FBXO42: variants seen among roughly 807,000 people sequenced by gnomAD.
FBXO42 encodes F-box only protein 42.
A neutral mutation model predicts 71.7 loss-of-function variants in FBXO42; 12 were observed. That is an observed-to-expected ratio of 0.17 (90% CI 0.11 to 0.27). The LOEUF (loss-of-function observed/expected upper bound fraction) is 0.27. Among genes scored for constraint, FBXO42 ranks in the 10% least tolerant of loss-of-function variants. The pLI, the probability that FBXO42 is intolerant of heterozygous loss-of-function variation, is 1.00. For synonymous variants in FBXO42, 325 were observed against 327.5 expected, an observed-to-expected ratio of 0.99 and a Z score of 0.08; for missense variants, 707 against 911.9, an observed-to-expected ratio of 0.78 and a Z score of 2.89.
chr1:16,295,531 C>T (rs2082119635), intron 3 of FBXO42, among the ~76,000 whole-genome samples: 2 of 152,058 alleles, frequency 1.3e-5, no homozygotes, highest in African/African-American at 4.8e-5. Flanking sequence ...GCTGGGATTA[C>T]AGGTGTGCAC....
At chr1:16,253,032 AG>A (rs1259235486) in intron 8 of FBXO42, 63 bp downstream of exon 8, 81 of 1,406,766 alleles carry the variant, frequency 5.8e-5, no homozygotes, top group Middle Eastern at 5.3e-4. Flanking sequence ...AAAAGAAGAC[AG>A]GGGAAACAGG....
chr1:16,292,979 A>G (rs1367299365), intron 4 of FBXO42: 1 of 152,276 alleles, frequency 6.6e-6, no homozygotes, highest in East Asian at 1.9e-4. Context: ...ATCTTGTCTC[A>G]AAAAACAATA....
intron 1 of FBXO42, among the ~76,000 whole-genome samples, chr1:16,319,305 T>A (rs977343367): frequency 1.3e-5 from 2 of 152,204 alleles, no homozygotes; most frequent in Admixed American, 6.5e-5. Flanking sequence ...ATGCACTAAT[T>A]ATGTGTAACA....
At chr1:16,305,697 G>T in intron 3 of FBXO42, 106 bp downstream of exon 3, 1 of 926,710 alleles carries the variant, frequency 1.1e-6, no homozygotes, top group Non-Finnish European at 1.8e-6. Flanking sequence ...TTGGGTGATA[G>T]AGTGAGACCT....
chr1:16,315,026 GA>G (rs762538143), intron 2 of FBXO42, 142 bp downstream of exon 2: 15 of 834,844 alleles, frequency 1.8e-5, no homozygotes, highest in Non-Finnish European at 2.5e-5. Flanking sequence ...ACCAGGGTAA[GA>G]AAGAAAACCG....
chr1:16,247,672 G>C lies in FBXO42; in HGVS notation c.*2998C>G, dbSNP rs1041911252. The C allele has an allele frequency of 6.6e-6, 1 of 152,204 alleles. No individual in the cohort carries two copies. Among genetic ancestry groups the C allele is most frequent in the Non-Finnish European group, 1.5e-5 (1 of 68,042 alleles). 9.4% of individuals were successfully genotyped at this position (152,204 alleles called of 1,614,324 possible). A position where few individuals can be genotyped will look rare whatever the true frequency, so the allele number is the denominator to read the frequency against. The stretch of plus-strand genomic sequence containing the variant: ...ATCAATCCACAGACAGCTGGGAGGA[G>C]AGTAAGCCCAGTATGCCCTAAAATG... On this transcript the variant is annotated 3_prime_UTR_variant, in exon 10 of 10. Coordinates refer to ENST00000375592, the MANE Select transcript of FBXO42 (RefSeq NM_018994.3).
intron 4 of FBXO42, among the ~76,000 whole-genome samples, chr1:16,268,783 G>T (rs769580385): frequency 6.6e-6 from 1 of 152,014 alleles, no homozygotes; most frequent in Admixed American, 6.6e-5. Context: ...GACCAACATG[G>T]AGAAACCCCG....
chr1:16,286,300 AAG>A (rs1411954413), intron 4 of FBXO42, among the ~76,000 whole-genome samples: 11 of 152,314 alleles, frequency 7.2e-5, no homozygotes, highest in African/African-American at 2.2e-4. Context: ...TTATAAAGGA[AAG>A]AGGTTTAATT....
chr1:16,262,736 T>A (rs542437807), intron 4 of FBXO42, among the ~76,000 whole-genome samples: 3 of 152,268 alleles, frequency 2.0e-5, no homozygotes, highest in Non-Finnish European at 4.4e-5. Flanking sequence ...CTCACTCCGG[T>A]TGCCCAGGCT....
chr1:16,304,923 T>G lies in FBXO42; in HGVS notation c.367+880A>C, dbSNP rs145250159. On this transcript the variant is annotated intron_variant, in intron 3 of 9. Transcript: ENST00000375592. ...GGTGGAGGTTGCGGTGAGCCAAGAT[T>G]GCACCACTGCAATCCACCCTGGGCA... Among the ~76,000 whole-genome samples the G allele has an allele frequency of 4.6e-3, 694 of 151,670 alleles. 7 individuals carry two copies. Among genetic ancestry groups the G allele is most frequent in the African/African-American group, 0.016 (648 of 41,352 alleles).
At chr1:16,281,671 T>C (rs2081965671) in intron 4 of FBXO42, among the ~76,000 whole-genome samples, 1 of 151,048 alleles carries the variant, frequency 6.6e-6, no homozygotes, top group South Asian at 2.1e-4. Context: ...TTTCTTTTTT[T>C]TTTTTGAGAC....
chr1:16,275,290 C>G (rs1223766606), intron 4 of FBXO42, among the ~76,000 whole-genome samples: 2 of 152,116 alleles, frequency 1.3e-5, no homozygotes, highest in African/African-American at 4.8e-5. Context: ...AGGAAATTAT[C>G]AGGGGCACAA....
In FBXO42 at chr1:16,352,464, G is replaced by T; in HGVS notation, c.-227C>A. ...CGCCGCAGCTGCTGCTGCTCAGGCC[G>T]GGAGAAGACAGCGCAGAGCGCGCAT... is the stretch of plus-strand genomic sequence containing the variant. On this transcript the variant is annotated 5_prime_UTR_variant, in exon 1 of 10. Coordinates refer to ENST00000375592, the MANE Select transcript of FBXO42 (RefSeq NM_018994.3). 5.0e-6 allele frequency: 2 copies of T among 397,510 alleles called. No homozygotes were observed. The highest frequency in any genetic ancestry group is 8.9e-6 in the Non-Finnish European group (2 of 225,402). 24.6% of individuals were successfully genotyped at this position (397,510 alleles called of 1,614,324 possible). A position where few individuals can be genotyped will look rare whatever the true frequency, so the allele number is the denominator to read the frequency against.
Position 16,256,469 on chromosome 1 carries a change from G to A in FBXO42, c.656+137C>T. The stretch of plus-strand genomic sequence containing the variant: ...CTGTTGGTAAAATCTGTGAATATGT[G>A]CATTTTTCCCCTCCTGGGAAAAGAG... On this transcript the variant is annotated intron_variant, in intron 5 of 9. Transcript: ENST00000375592. 2.3e-6 allele frequency: 2 copies of A among 862,228 alleles called. 1 individual carries two copies. Among genetic ancestry groups the A allele is most frequent in the South Asian group, 3.7e-5 (2 of 54,134 alleles). 53.4% of individuals were successfully genotyped at this position (862,228 alleles called of 1,614,324 possible).
At chr1:16,342,808 G>C (rs2082619778) in intron 1 of FBXO42, among the ~76,000 whole-genome samples, 1 of 152,198 alleles carries the variant, frequency 6.6e-6, no homozygotes, top group East Asian at 1.9e-4. Flanking sequence ...TCTCTCATGA[G>C]TGACTTGGTG....
intron 4 of FBXO42, among the ~76,000 whole-genome samples, chr1:16,291,760 C>A (rs754550859): frequency 2.3e-4 from 35 of 152,252 alleles, no homozygotes; most frequent in Non-Finnish European, 4.7e-4. Context: ...TAGCCTTGAA[C>A]TCCTGGGCTC....
chr1:16,255,791 T>A lies in FBXO42; in HGVS notation c.687A>T (p.Pro229=), dbSNP rs1194817700. The A allele has an allele frequency of 1.1e-5, 17 of 1,613,612 alleles. No homozygotes were observed. Among genetic ancestry groups the A allele is most frequent in the Non-Finnish European group, 1.4e-5 (17 of 1,179,944 alleles). The part of the protein sequence containing the change: ...WWNCIVTTHG[P]PPMAGHSSCV... The stretch of plus-strand genomic sequence containing the variant: ...AGGAGGAGTGGCCAGCCATGGGAGG[T>A]GGCCCATGGGTTGTCACAATGCAGT... The change falls in exon 6 of 10, where the codon CCA becomes CCT. Residue 229 remains proline (P), a synonymous_variant. Coordinates refer to ENST00000375592, the MANE Select transcript of FBXO42 (RefSeq NM_018994.3).
intron 3 of FBXO42, among the ~76,000 whole-genome samples, chr1:16,298,935 T>G (rs2082160337): frequency 6.6e-6 from 1 of 152,222 alleles, no homozygotes; most frequent in African/African-American, 2.4e-5. Context: ...CACAGATAAC[T>G]TCTTGGCAGC....
intron 1 of FBXO42, among the ~76,000 whole-genome samples, chr1:16,335,391 G>A (rs1378033135): frequency 2.0e-5 from 3 of 152,094 alleles, no homozygotes; most frequent in Non-Finnish European, 4.4e-5. Context: ...TCCTGTATTG[G>A]CATCCAAAAG....
Sources: gnomAD v4.1 joint callset for allele counts (sites outside exome capture counted in the v4.1 genomes callset) on GRCh38, gnomAD v4.1.1 for gene constraint, MANE v1.5 for transcripts, NCBI Gene and HGNC (gene_info 2026-07-23, HGNC 2026-07-21) for gene names.